FRMD4A: variants seen among roughly 807,000 people sequenced by gnomAD.
FRMD4A encodes the protein FERM domain containing 4A.
A neutral mutation model predicts 129.1 loss-of-function variants in FRMD4A; 29 were observed. That is an observed-to-expected ratio of 0.22 (90% confidence interval 0.17 to 0.31). The LOEUF (loss-of-function observed/expected upper bound fraction) is 0.31. FRMD4A is among the 10% of genes least tolerant of loss of function. The pLI, the probability that FRMD4A is intolerant of heterozygous loss-of-function variation, is 1.00. For synonymous variants in FRMD4A, 634 were observed against 571.6 expected (o/e 1.11, Z -1.56); for missense variants, 1,272 against 1,375.8 (o/e 0.92, Z 1.19).
intron 2 of FRMD4A, among the ~76,000 whole-genome samples, chr10:14,301,672 T>A (rs1261828628): frequency 6.6e-6 from 1 of 152,224 alleles, no homozygotes; most frequent in Non-Finnish European, 1.5e-5. Context: ...ACTCTATTCA[T>A]AAAACTATAT....
At chr10:14,316,050 C>T (rs571935311) in intron 2 of FRMD4A, among the ~76,000 whole-genome samples, 1 of 152,360 alleles carries the variant, frequency 6.6e-6, no homozygotes, top group East Asian at 1.9e-4. Flanking sequence ...CAACCACATC[C>T]ACCTTCTTTT....
chr10:14,107,148 C>G (rs1308476843), intron 2 of FRMD4A, among the ~76,000 whole-genome samples: 1 of 152,002 alleles, frequency 6.6e-6, no homozygotes, highest in Non-Finnish European at 1.5e-5. Flanking sequence ...GAGCCAAACA[C>G]TGGGTACTCA....
intron 2 of FRMD4A, among the ~76,000 whole-genome samples, chr10:14,183,350 A>G (rs1270402869): frequency 4.6e-5 from 7 of 152,240 alleles, no homozygotes; most frequent in African/African-American, 1.7e-4. Context: ...ATAAAAGCTC[A>G]TTCTTCTAAG....
chr10:14,057,318 T>TC (rs1369978475), intron 2 of FRMD4A, among the ~76,000 whole-genome samples: 2 of 152,004 alleles, frequency 1.3e-5, no homozygotes, highest in East Asian at 1.9e-4. Flanking sequence ...AAGAGAGACT[T>TC]CCCCCCCATT....
At position 14,077,404 on chromosome 10, in the gene FRMD4A, A is replaced by G. The variant is rs544149457; in HGVS notation, c.46-218492T>C. ...TCTTGGAGCTTTGGTTTTCTCATCT[A>G]TCAAGTGAGAATACTAATAATCATA... On this transcript the variant is annotated intron_variant, in intron 2 of 24. Coordinates refer to ENST00000357447, the MANE Select transcript of FRMD4A (RefSeq NM_018027.5). Among the ~76,000 whole-genome samples, 39 of 152,312 alleles carry G rather than the reference A, an allele frequency of 2.6e-4. No homozygotes were observed. The South Asian group carries it at 4.1e-3, about 16-fold the overall frequency.
chr10:13,713,273 C>A (rs1010404861), intron 12 of FRMD4A, among the ~76,000 whole-genome samples: 5 of 152,154 alleles, frequency 3.3e-5, no homozygotes, highest in African/African-American at 9.7e-5. Context: ...AAGGGATTGG[C>A]AGAGGTTAAA....
chr10:13,861,438 A>G (rs1235492037), intron 2 of FRMD4A, among the ~76,000 whole-genome samples: 2 of 152,176 alleles, frequency 1.3e-5, no homozygotes, highest in Non-Finnish European at 2.9e-5. Context: ...ATCTAAAACA[A>G]CATAGCATGT....
intron 19 of FRMD4A, among the ~76,000 whole-genome samples, chr10:13,661,497 T>A (rs2082636184): frequency 6.6e-6 from 1 of 152,178 alleles, no homozygotes; most frequent in South Asian, 2.1e-4. Context: ...ACAGCCGCCT[T>A]CTGTGTGCAC....
chr10:13,790,182 C>T (rs2092964824), intron 5 of FRMD4A, among the ~76,000 whole-genome samples: 1 of 152,022 alleles, frequency 6.6e-6, no homozygotes, highest in Non-Finnish European at 1.5e-5. Flanking sequence ...TCAAGGTTGA[C>T]TCCCAAGTCT....
intron 3 of FRMD4A, among the ~76,000 whole-genome samples, chr10:13,856,217 AGTGTGTGTGT>A (rs36225405): frequency 0.025 from 3,672 of 145,976 alleles, 70 homozygotes; most frequent in African/African-American, 0.05. Flanking sequence ...ATTTTGTGCA[AGTGTGTGTGT>A]GTGTGTGTGT....
At chr10:14,273,755 C>T (rs1395423191) in intron 2 of FRMD4A, among the ~76,000 whole-genome samples, 1 of 152,094 alleles carries the variant, frequency 6.6e-6, no homozygotes, top group Non-Finnish European at 1.5e-5. Context: ...CCAGGTCCTC[C>T]AGGAAGAGTG....
At position 13,858,878 on chromosome 10, in the gene FRMD4A, A is replaced by G; in HGVS notation, c.80T>C (p.Leu27Pro). 15 of 1,607,182 alleles carry G rather than the reference A, an allele frequency of 9.3e-6. No homozygotes were observed. In the South Asian group the frequency reaches 1.2e-4, roughly 13 times the overall value. ...TAGGAGTTCCAGCTTCCTGTCATCA[A>G]GAAGATGTACTTGACATCGGCGGCC... is the stretch of plus-strand genomic sequence containing the variant. ...TEGRRCQVHLLDDRKLELLVQ... is the reference protein window; with the variant it reads ...TEGRRCQVHLPDDRKLELLVQ... The change falls in exon 3 of 25, where the codon CTT (leucine) becomes CCT (proline). Residue 27 changes from leucine to proline, a missense_variant. Leu to Pro is a moderately conservative substitution (Grantham distance 98). This residue lies in a region of FRMD4A where 300 missense variants were observed against 483.6 expected (regional missense o/e 0.62). Transcript: ENST00000357447.
At chr10:14,039,127 C>G (rs922986349) in intron 2 of FRMD4A, among the ~76,000 whole-genome samples, 9 of 152,240 alleles carry the variant, frequency 5.9e-5, no homozygotes, top group African/African-American at 2.2e-4. Context: ...TTGTCATGTA[C>G]TGCAAGCATC....
intron 2 of FRMD4A, among the ~76,000 whole-genome samples, chr10:14,121,833 C>T (rs1262522407): frequency 6.6e-6 from 1 of 152,208 alleles, no homozygotes; most frequent in Non-Finnish European, 1.5e-5. Flanking sequence ...GCTTTCCCAC[C>T]TACAACTCTG....
At chr10:14,289,623 C>G (rs930459271) in intron 2 of FRMD4A, among the ~76,000 whole-genome samples, 2 of 152,068 alleles carry the variant, frequency 1.3e-5, no homozygotes, top group African/African-American at 4.8e-5. Flanking sequence ...TTTACCTCAA[C>G]ACAATAAAGT....
intron 2 of FRMD4A, among the ~76,000 whole-genome samples, chr10:14,101,596 G>A (rs533521304): frequency 1.4e-4 from 21 of 152,286 alleles, no homozygotes; most frequent in African/African-American, 4.8e-4. Flanking sequence ...GGAAAATGGT[G>A]AAGAAAGGAG....
At chr10:13,968,030 G>T (rs2095495914) in intron 2 of FRMD4A, among the ~76,000 whole-genome samples, 1 of 152,194 alleles carries the variant, frequency 6.6e-6, no homozygotes, top group East Asian at 1.9e-4. Context: ...GGGCGCTTAA[G>T]ACATTTTATA....
In FRMD4A at chr10:13,743,950, C is replaced by A. The variant is rs562539847; in HGVS notation, c.549-3373G>T. Among the ~76,000 whole-genome samples the A allele has an allele frequency of 5.9e-4, 90 of 152,210 alleles. 1 individual carries two copies. The highest frequency in any genetic ancestry group is 2.1e-3 in the African/African-American group (89 of 41,536). ...GGATAACTAGCAGAAATCCAGGAAGCAGAGTAAGTGCTGCCTGGAGGACAC... is the reference window on the plus strand; with the variant it reads ...GGATAACTAGCAGAAATCCAGGAAGAAGAGTAAGTGCTGCCTGGAGGACAC... On this transcript the variant is annotated intron_variant, in intron 9 of 24. Transcript: ENST00000357447.
intron 2 of FRMD4A, among the ~76,000 whole-genome samples, chr10:14,232,665 T>A (rs1288557561): frequency 1.3e-5 from 2 of 152,192 alleles, no homozygotes; most frequent in Admixed American, 1.3e-4. Flanking sequence ...TATTGCTAGA[T>A]TTTTTATTCT....
Sources: gnomAD v4.1 joint callset for allele counts (sites outside exome capture counted in the v4.1 genomes callset) on GRCh38, gnomAD v4.1.1 for gene constraint, gnomAD v4.1.1 regional missense constraint, MANE v1.5 for transcripts, NCBI Gene and HGNC (gene_info 2026-07-23, HGNC 2026-07-21) for gene names.